TECRL: variants seen among roughly 807,000 people sequenced by gnomAD.
TECRL encodes trans-2,3-enoyl-CoA reductase like, also known as trans-2,3-enoyl-CoA reductase-like.
TECRL carries 63 observed loss-of-function variants against 52.8 expected under a neutral mutation model. The observed-to-expected ratio is 1.19, with a 90% confidence interval of 0.97 to 1.47. The LOEUF is 1.47. Among genes scored for constraint, TECRL ranks in the 40% most tolerant of loss-of-function variants. The pLI, the probability that TECRL is intolerant of heterozygous loss-of-function variation, is 0.00. For missense variants in TECRL, 482 were observed against 429.6 expected, an observed-to-expected ratio of 1.12 and a Z score of -1.08; for synonymous variants, 164 against 141.9, an observed-to-expected ratio of 1.16 and a Z score of -1.10.
chr4:64,388,724 A>C (rs933063183), intron 1 of TECRL, among the ~76,000 whole-genome samples: 11 of 151,794 alleles, frequency 7.2e-5, no homozygotes, highest in African/African-American at 2.7e-4. Flanking sequence ...AGTTTTCCTC[A>C]TGCTGGTTAT....
chr4:64,392,339 G>A lies in TECRL; in HGVS notation c.234+16779C>T, dbSNP rs533860275. 2.4e-4 allele frequency among the ~76,000 whole-genome samples: 37 copies of A among 151,798 alleles called. 1 individual carries two copies. Among genetic ancestry groups the A allele is most frequent in the Non-Finnish European group, 4.0e-4 (27 of 67,818 alleles). ...AATAAAAATAGTAATATTTATTTGC[G>A]TCTACACTTCTGATCACCAACTATT... On this transcript the variant is annotated intron_variant, in intron 1 of 11. Coordinates refer to ENST00000381210, the MANE Select transcript of TECRL (RefSeq NM_001010874.5).
Position 64,314,663 on chromosome 4 carries a change from C to T in TECRL, c.536G>A (p.Arg179His), listed in dbSNP as rs147048390. 717 of 1,597,498 alleles carry T rather than the reference C, an allele frequency of 4.5e-4. 4 individuals carry two copies. The African/African-American group carries it at 8.2e-3, about 18-fold the overall frequency. The change falls in exon 5 of 12, where the codon CGC becomes CAC. Residue 179 changes from arginine to histidine, a missense_variant. Arg to His is a conservative substitution (Grantham distance 29, BLOSUM62 0). Coordinates refer to ENST00000381210, the MANE Select transcript of TECRL (RefSeq NM_001010874.5). The stretch of plus-strand genomic sequence containing the variant: ...TATCACTTACTGTACCACTGGGTGG[C>T]GTAATCTTCTAGCACTCTCTTTTCC... ...YDGKESARRL[R>H]HPVVHLACFC...
At chr4:64,376,978 TG>T (rs1461853464) in intron 1 of TECRL, among the ~76,000 whole-genome samples, 1 of 152,054 alleles carries the variant, frequency 6.6e-6, no homozygotes, top group Non-Finnish European at 1.5e-5. Context: ...TAATCTGATA[TG>T]CAAAAGCTGT....
intron 1 of TECRL, among the ~76,000 whole-genome samples, chr4:64,382,354 CACTT>C (rs1184913479): frequency 6.8e-6 from 1 of 145,992 alleles, no homozygotes; most frequent in Non-Finnish European, 1.5e-5. Context: ...CATACACACA[CACTT>C]ACACACACAT....
At chr4:64,395,339 T>C (rs899625692) in intron 1 of TECRL, among the ~76,000 whole-genome samples, 1 of 152,202 alleles carries the variant, frequency 6.6e-6, no homozygotes, top group African/African-American at 2.4e-5. Flanking sequence ...AACATTGTCA[T>C]AAATAACTGC....
In TECRL at chr4:64,401,046, C is replaced by T. The variant is rs145436048; in HGVS notation, c.234+8072G>A. 6.4e-3 allele frequency among the ~76,000 whole-genome samples: 977 copies of T among 152,264 alleles called. 9 individuals are homozygous for T. The highest frequency in any genetic ancestry group is 0.011 in the Non-Finnish European group (747 of 68,016). On this transcript the variant is annotated intron_variant, in intron 1 of 11. Transcript: ENST00000381210. ...AGCAGATCCCAATACTATCTTGCCT[C>T]CCAAATGTGGCAGTCTTGAACAAGC...
intron 2 of TECRL, among the ~76,000 whole-genome samples, chr4:64,352,089 A>G (rs1348710590): frequency 6.6e-6 from 1 of 152,218 alleles, no homozygotes; most frequent in Non-Finnish European, 1.5e-5. Context: ...TAAGACAAAT[A>G]TTTAAAGAAA....
intron 1 of TECRL, among the ~76,000 whole-genome samples, chr4:64,407,060 A>G (rs1234938182): frequency 6.6e-6 from 1 of 151,998 alleles, no homozygotes; most frequent in East Asian, 1.9e-4. Context: ...GAAGTGTCTC[A>G]CCACTATTAT....
At chr4:64,283,250 C>T (rs1448507594) in intron 9 of TECRL, among the ~76,000 whole-genome samples, 1 of 151,984 alleles carries the variant, frequency 6.6e-6, no homozygotes, top group Non-Finnish European at 1.5e-5. Flanking sequence ...TTCTTCTATC[C>T]AGAAAACTAC....
rs1722672304 is a variant in TECRL at position 64,278,740 on chromosome 4, A to C, written c.*1332T>G. Reference sequence around the variant, plus strand: ...CCAAGCTGTAACTTTGTATCCTTTAACAAATCTCTCTCTAGTCTCCCTTTG... The same window carrying C: ...CCAAGCTGTAACTTTGTATCCTTTACCAAATCTCTCTCTAGTCTCCCTTTG... On this transcript the variant is annotated 3_prime_UTR_variant, in exon 12 of 12. Transcript: ENST00000381210. 6.6e-6 allele frequency: 1 copy of C among 152,160 alleles called. No homozygotes were observed. Among genetic ancestry groups the C allele is most frequent in the South Asian group, 2.1e-4 (1 of 4,832 alleles). 9.4% of individuals were successfully genotyped at this position (152,160 alleles called of 1,614,324 possible).
chr4:64,387,425 C>T (rs770954923), intron 1 of TECRL, among the ~76,000 whole-genome samples: 1 of 152,030 alleles, frequency 6.6e-6, no homozygotes, highest in Non-Finnish European at 1.5e-5. Flanking sequence ...GAGTAGATAC[C>T]AAGGAGCATG....
At chr4:64,378,958 T>G (rs1023462609) in intron 1 of TECRL, among the ~76,000 whole-genome samples, 12 of 151,916 alleles carry the variant, frequency 7.9e-5, no homozygotes, top group African/African-American at 2.9e-4. Context: ...TGTATATACA[T>G]ATATATGTAT....
intron 1 of TECRL, among the ~76,000 whole-genome samples, chr4:64,388,056 T>G (rs1180021038): frequency 6.6e-6 from 1 of 151,776 alleles, no homozygotes; most frequent in Non-Finnish European, 1.5e-5. Flanking sequence ...ATTAATTTTT[T>G]TTCAAAAGAT....
At chr4:64,392,034 C>T (rs4860599) in intron 1 of TECRL, among the ~76,000 whole-genome samples, 1 of 151,650 alleles carries the variant, frequency 6.6e-6, no homozygotes, top group African/African-American at 2.4e-5. Flanking sequence ...ATTTTCTACA[C>T]ATACTGCATA....
intron 1 of TECRL, among the ~76,000 whole-genome samples, chr4:64,384,652 G>A (rs1198287345): frequency 6.6e-6 from 1 of 152,124 alleles, no homozygotes; most frequent in Admixed American, 6.5e-5. Flanking sequence ...GCAAGCATTG[G>A]TAGGGGCAGT....
chr4:64,387,457 A>G (rs189623606), intron 1 of TECRL, among the ~76,000 whole-genome samples: 138 of 152,224 alleles, frequency 9.1e-4, no homozygotes, highest in African/African-American at 3.2e-3. Flanking sequence ...GTATGGTAAG[A>G]ATATATTTAG....
intron 1 of TECRL, among the ~76,000 whole-genome samples, chr4:64,384,694 CT>C (rs1723054372): frequency 2.0e-5 from 3 of 152,006 alleles, no homozygotes; most frequent in Admixed American, 2.0e-4. Context: ...CTCAGGCCCC[CT>C]GATGGTGTGC....
intron 2 of TECRL, among the ~76,000 whole-genome samples, chr4:64,330,985 A>G (rs2110050326): frequency 6.6e-6 from 1 of 152,192 alleles, no homozygotes; most frequent in Non-Finnish European, 1.5e-5. Context: ...GGAAAACCCA[A>G]TTATAGGAAA....
rs749011849 is a variant in TECRL at position 64,309,877 on chromosome 4, T to A, written c.606A>T (p.Leu202Phe). 6.2e-7 allele frequency: 1 copy of A among 1,612,716 alleles called. No individual in the cohort carries two copies. Among genetic ancestry groups the A allele is most frequent in the Non-Finnish European group, 8.5e-7 (1 of 1,179,264 alleles). ...GTCCTGCAGAAACTTTGTGAACAAA[T>A]AAGGTTTCCAAAAGGTATCGGATGT... ...IHYIRYLLETLFVHKVSAGHT... is the reference protein window; with the variant it reads ...IHYIRYLLETFFVHKVSAGHT... Residue 202 changes from leucine (L) to phenylalanine (F), a missense_variant, in exon 6 of 12, where the codon TTA becomes TTT. By Grantham distance (22) the Leu-to-Phe change is conservative. Transcript: ENST00000381210.
Sources: allele counts gnomAD v4.1 joint callset (sites outside exome capture counted in the v4.1 genomes callset), GRCh38; gene constraint gnomAD v4.1.1; transcripts MANE v1.5; gene names NCBI Gene and HGNC (gene_info 2026-07-23, HGNC 2026-07-21).